The following RALGPS2 variants were observed in gnomAD, a reference collection of about 807,000 sequenced individuals.
RALGPS2 encodes Ral GEF with PH domain and SH3 binding motif 2.
A neutral mutation model predicts 86.8 loss-of-function variants in RALGPS2; 43 were observed. That is an observed-to-expected ratio of 0.50 (90% CI 0.39 to 0.64). RALGPS2 has a LOEUF of 0.64. Among genes scored for constraint, RALGPS2 ranks in the 30% least tolerant of loss-of-function variants. The pLI is 0.00. For missense variants in RALGPS2, 536 were observed against 694.6 expected, an observed-to-expected ratio of 0.77 and a Z score of 2.57; for synonymous variants, 243 against 231.3, an observed-to-expected ratio of 1.05 and a Z score of -0.46.
intron 1 of RALGPS2, among the ~76,000 whole-genome samples, chr1:178,759,113 G>T (rs1246781430): frequency 1.3e-5 from 2 of 152,112 alleles, no homozygotes; most frequent in Non-Finnish European, 2.9e-5. Context: ...GGTTGCCTGT[G>T]CTTGTGGGGT....
intron 4 of RALGPS2, among the ~76,000 whole-genome samples, chr1:178,803,364 C>A (rs958232834): frequency 6.6e-6 from 1 of 151,748 alleles, no homozygotes; most frequent in Admixed American, 6.6e-5. Context: ...ATTTGATAGA[C>A]ACTTTGATTA....
rs1176906026 is a variant in RALGPS2 at position 178,916,387 on chromosome 1, T to G, written c.*28T>G. 6.3e-7 allele frequency: 1 copy of G among 1,586,446 alleles called. No individual in the cohort carries two copies. Among genetic ancestry groups the G allele is most frequent in the South Asian group, 1.1e-5 (1 of 89,728 alleles). ...GCCTGAGAAAAAAAGAGAGGTGAAC[T>G]GTTGCTTCTACGTGAGCATGAGGAC... On this transcript the variant is annotated 3_prime_UTR_variant, in exon 20 of 20. Transcript: ENST00000367635.
intron 7 of RALGPS2, among the ~76,000 whole-genome samples, chr1:178,830,926 A>G (rs1655985960): frequency 6.6e-6 from 1 of 152,220 alleles, no homozygotes; most frequent in African/African-American, 2.4e-5. Context: ...AAAAATTAAC[A>G]TTATAAATGT....
At chr1:178,839,244 GT>G (rs1164664814) in intron 8 of RALGPS2, among the ~76,000 whole-genome samples, 1 of 152,168 alleles carries the variant, frequency 6.6e-6, no homozygotes, top group Non-Finnish European at 1.5e-5. Flanking sequence ...AGGAAAAAAT[GT>G]TAAGGACAGC....
chr1:178,813,313 T>C (rs75367297), intron 6 of RALGPS2, among the ~76,000 whole-genome samples: 1 of 152,238 alleles, frequency 6.6e-6, no homozygotes, highest in Non-Finnish European at 1.5e-5. Flanking sequence ...TGTTAGTTTT[T>C]AAATTTACTT....
chr1:178,891,611 T>G (rs188638800), intron 14 of RALGPS2, among the ~76,000 whole-genome samples: 171 of 152,260 alleles, frequency 1.1e-3, no homozygotes, highest in Non-Finnish European at 2.1e-3. Flanking sequence ...TTATTTTTTT[T>G]GTTTTTAACT....
Position 178,910,011 on chromosome 1 carries a change from CT to C in RALGPS2, c.1722+3149del, listed in dbSNP as rs545836822. Among the ~76,000 whole-genome samples, 9 of 151,836 alleles carry C rather than the reference CT, an allele frequency of 5.9e-5. No homozygotes were observed. The East Asian group carries it at 1.7e-3, about 29-fold the overall frequency. On this transcript the variant is annotated intron_variant, in intron 19 of 19. Transcript: ENST00000367635. ...TAGCTGTATCCCTAGATATTTTTTTCTTTTTGTGGCTATTGTAAATGGAATT... is the reference window on the plus strand; with the variant it reads ...TAGCTGTATCCCTAGATATTTTTTTCTTTTGTGGCTATTGTAAATGGAATT...
chr1:178,835,654 A>C (rs1454263550), intron 8 of RALGPS2, among the ~76,000 whole-genome samples: 3 of 152,042 alleles, frequency 2.0e-5, no homozygotes, highest in African/African-American at 7.2e-5. Context: ...CAGCCTCCCA[A>C]ATTGCTGGGA....
At chr1:178,747,311 G>T in intron 1 of RALGPS2, 1 of 1,531,716 alleles carries the variant, frequency 6.5e-7, no homozygotes, top group Non-Finnish European at 9.0e-7. Context: ...ATCTGGCCAA[G>T]TAGTATAATG....
intron 4 of RALGPS2, among the ~76,000 whole-genome samples, chr1:178,787,347 C>T (rs1264753306): frequency 6.6e-6 from 1 of 151,956 alleles, no homozygotes. Context: ...CTGGTAGCCA[C>T]ATTATAAGGT....
At chr1:178,785,056 T>G (rs1572329745) in intron 3 of RALGPS2, among the ~76,000 whole-genome samples, 1 of 152,090 alleles carries the variant, frequency 6.6e-6, no homozygotes, top group East Asian at 1.9e-4. Flanking sequence ...TAGCATATTA[T>G]TCCTTGATAG....
chr1:178,793,841 G>A (rs1044237334), intron 4 of RALGPS2, among the ~76,000 whole-genome samples: 1 of 151,804 alleles, frequency 6.6e-6, no homozygotes, highest in African/African-American at 2.4e-5. Flanking sequence ...TTGTAAAATA[G>A]CATCCTTTCT....
At chr1:178,821,799 AT>A (rs1655521160) in intron 7 of RALGPS2, 95 bp downstream of exon 7, 1 of 964,610 alleles carries the variant, frequency 1.0e-6, no homozygotes. Context: ...AGTTAATATA[AT>A]GATAATCAAT....
At chr1:178,897,800 G>A (rs1185422049) in intron 17 of RALGPS2, 44 bp downstream of exon 17, 2 of 1,535,802 alleles carry the variant, frequency 1.3e-6, no homozygotes, top group Non-Finnish European at 1.8e-6. Context: ...TTCCCAGACT[G>A]TTCATGGTTA....
chr1:178,840,629 G>A (rs1225785056), intron 8 of RALGPS2, among the ~76,000 whole-genome samples: 8 of 152,070 alleles, frequency 5.3e-5, no homozygotes, highest in African/African-American at 1.4e-4. Flanking sequence ...CTAGCAGAAG[G>A]CAAGAAATAA....
At chr1:178,801,100 T>G (rs1654449678) in intron 4 of RALGPS2, among the ~76,000 whole-genome samples, 1 of 152,042 alleles carries the variant, frequency 6.6e-6, no homozygotes, top group Admixed American at 6.6e-5. Flanking sequence ...CTAATTTTTG[T>G]ATTTTTAGTA....
intron 7 of RALGPS2, among the ~76,000 whole-genome samples, chr1:178,832,628 A>AT (rs891710837): frequency 3.9e-5 from 6 of 152,182 alleles, no homozygotes; most frequent in African/African-American, 4.8e-5. Flanking sequence ...AACAACACCA[A>AT]TATTTTAATA....
chr1:178,828,338 A>G (rs778810770), intron 7 of RALGPS2, among the ~76,000 whole-genome samples: 2 of 152,228 alleles, frequency 1.3e-5, no homozygotes, highest in African/African-American at 4.8e-5. Flanking sequence ...ATAGCCTACA[A>G]TACACCTAGG....
chr1:178,802,101 G>T (rs368312092), intron 4 of RALGPS2, among the ~76,000 whole-genome samples: 1 of 151,864 alleles, frequency 6.6e-6, no homozygotes, highest in Non-Finnish European at 1.5e-5. Context: ...AAAATTTGCA[G>T]GTAAAACTCA....
Sources: allele counts gnomAD v4.1 joint callset (sites outside exome capture counted in the v4.1 genomes callset), GRCh38; gene constraint gnomAD v4.1.1; transcripts MANE v1.5; gene names NCBI Gene and HGNC (gene_info 2026-07-23, HGNC 2026-07-21).